The following CD302 variants were observed in gnomAD, a reference collection of about 807,000 sequenced individuals.
CD302 encodes CD302 molecule, also known as CD302 antigen.
A neutral mutation model predicts 26.5 loss-of-function variants in CD302; 23 were observed. The ratio of observed to expected loss-of-function variants is 0.87; its 90% CI spans 0.62 to 1.23. The LOEUF (loss-of-function observed/expected upper bound fraction) is 1.23, where lower values mean the gene tolerates loss of function less well. Among genes scored for constraint, CD302 ranks in the 50% most tolerant of loss-of-function variants. CD302 has a pLI of 0.00. For missense variants in CD302, 290 were observed against 275.5 expected (o/e 1.05, Z -0.37); for synonymous variants, 90 against 99.4 (o/e 0.91, Z 0.56).
At chr2:159,785,540 G>A (rs556844489) in intron 1 of CD302, among the ~76,000 whole-genome samples, 2 of 152,304 alleles carry the variant, frequency 1.3e-5, no homozygotes, top group African/African-American at 2.4e-5. Context: ...AATTGGAGAC[G>A]CCAGACAGCT....
intron 5 of CD302, 75 bp from the exon 6 acceptor site, chr2:159,772,128 C>G: frequency 6.7e-7 from 1 of 1,487,018 alleles, no homozygotes; most frequent in Non-Finnish European, 9.1e-7. Flanking sequence ...ATGAGCACAA[C>G]TGTAGTTTTG....
Position 159,797,986 on chromosome 2 carries a change from G to A in CD302, c.67+146C>T, listed in dbSNP as rs530428043. On this transcript the variant is annotated intron_variant, in intron 1 of 5. Transcript: ENST00000259053. ...TGACCCGGAGCCAGGACCCACGGGG[G>A]ACGGGCGTGCAGGGAAGGGCGGGAT... 1.9e-3 allele frequency: 1,338 copies of A among 716,828 alleles called. 5 individuals are homozygous for A. Among genetic ancestry groups the A allele is most frequent in the Non-Finnish European group, 1.8e-3 (846 of 463,246 alleles). 44.4% of individuals were successfully genotyped at this position (716,828 alleles called of 1,614,324 possible).
intron 1 of CD302, among the ~76,000 whole-genome samples, chr2:159,784,086 T>C (rs1195960747): frequency 6.6e-6 from 1 of 152,192 alleles, no homozygotes; most frequent in African/African-American, 2.4e-5. Flanking sequence ...CTCCTTCACC[T>C]CTATCTTAGT....
At chr2:159,772,147 T>G (rs1413194150) in intron 5 of CD302, 94 bp from the exon 6 acceptor site, 2 of 1,381,810 alleles carry the variant, frequency 1.4e-6, no homozygotes, top group Non-Finnish European at 2.0e-6. Context: ...TGTGTAAACA[T>G]TTCTCTGTGT....
intron 5 of CD302, among the ~76,000 whole-genome samples, chr2:159,776,701 T>G (rs950284695): frequency 3.8e-5 from 1 of 26,050 alleles, no homozygotes; most frequent in Non-Finnish European, 9.1e-5. Context: ...CATCCAATTT[T>G]TTTTTTTTTT....
chr2:159,773,040 G>A (rs1708204043), intron 5 of CD302, among the ~76,000 whole-genome samples: 1 of 151,812 alleles, frequency 6.6e-6, no homozygotes, highest in African/African-American at 2.4e-5. Context: ...ATGAAAAAAA[G>A]CCAAGAATTC....
At chr2:159,774,208 A>G (rs776350505) in intron 5 of CD302, among the ~76,000 whole-genome samples, 6 of 152,070 alleles carry the variant, frequency 3.9e-5, no homozygotes, top group Non-Finnish European at 7.4e-5. Context: ...GTTGATCTCA[A>G]CCATTCAAGT....
chr2:159,780,808 T>C, intron 3 of CD302, 74 bp downstream of exon 3: 2 of 1,359,858 alleles, frequency 1.5e-6, no homozygotes, highest in Non-Finnish European at 2.1e-6. Context: ...AACCAGAGAA[T>C]TGAAAAGCCA....
At chr2:159,784,533 T>G (rs1708614468) in intron 1 of CD302, among the ~76,000 whole-genome samples, 1 of 151,798 alleles carries the variant, frequency 6.6e-6, no homozygotes, top group Non-Finnish European at 1.5e-5. Context: ...CTTTTGTATT[T>G]TTTGTAGAGA....
chr2:159,786,832 C>A (rs1436721253), intron 1 of CD302, among the ~76,000 whole-genome samples: 1 of 151,898 alleles, frequency 6.6e-6, no homozygotes, highest in African/African-American at 2.4e-5. Context: ...TAAACATACC[C>A]ATATAATTAT....
rs1574481710 is a variant in CD302 at position 159,771,700 on chromosome 2, T to C, written c.*151A>G. Reference sequence around the variant, plus strand: ...TGTTTTTTTAATGAACCTAAAGACTTTTCACAGCAGATGAGTACATAAAAA... The same window carrying C: ...TGTTTTTTTAATGAACCTAAAGACTCTTCACAGCAGATGAGTACATAAAAA... On this transcript the variant is annotated 3_prime_UTR_variant, in exon 6 of 6. Transcript: ENST00000259053. 1 of 465,190 alleles carries C rather than the reference T, an allele frequency of 2.1e-6. No homozygotes were observed. Among genetic ancestry groups the C allele is most frequent in the African/African-American group, 1.9e-5 (1 of 52,036 alleles). 28.8% of individuals were successfully genotyped at this position (465,190 alleles called of 1,614,324 possible).
intron 1 of CD302, among the ~76,000 whole-genome samples, chr2:159,785,366 C>T (rs1477188237): frequency 6.6e-6 from 1 of 152,074 alleles, no homozygotes; most frequent in Non-Finnish European, 1.5e-5. Flanking sequence ...TTAACTCTGG[C>T]AGGAATCTAG....
Position 159,770,591 on chromosome 2 carries a change from A to C in CD302, c.*1260T>G, listed in dbSNP as rs1267830734. ...GAGGGATTACTTTTCTTTGAGCCTC[A>C]GACTTCTAGACAGTATACTTCAGTC... On this transcript the variant is annotated 3_prime_UTR_variant, in exon 6 of 6. Transcript: ENST00000259053. The C allele has an allele frequency of 1.3e-5, 2 of 152,226 alleles. No homozygotes were observed. Among genetic ancestry groups the C allele is most frequent in the Admixed American group, 1.3e-4 (2 of 15,282 alleles). The allele number at this position is 152,226 out of a possible 1,614,324, so 9.4% of individuals were successfully genotyped here.
In CD302 at chr2:159,770,285, G is replaced by C. The variant is rs894737943; in HGVS notation, c.*1566C>G. On this transcript the variant is annotated 3_prime_UTR_variant, in exon 6 of 6. Coordinates refer to ENST00000259053, the MANE Select transcript of CD302 (RefSeq NM_014880.5). Reference sequence around the variant, plus strand: ...CTATACAAAATCTCAGAAATGTAAAGCTCTTACAGAGCATGCTTGTGCTTG... The same window carrying C: ...CTATACAAAATCTCAGAAATGTAAACCTCTTACAGAGCATGCTTGTGCTTG... 6.6e-6 allele frequency: 1 copy of C among 152,150 alleles called. No individual in the cohort carries two copies. Among genetic ancestry groups the C allele is most frequent in the Non-Finnish European group, 1.5e-5 (1 of 68,020 alleles). The allele number at this position is 152,150 out of a possible 1,614,324, so 9.4% of individuals were successfully genotyped here. A position where few individuals can be genotyped will look rare whatever the true frequency, so the allele number is the denominator to read the frequency against.
chr2:159,772,121 A>C (rs1708167863), intron 5 of CD302, 68 bp from the exon 6 acceptor site: 1 of 1,517,706 alleles, frequency 6.6e-7, no homozygotes. Flanking sequence ...TATTTTGATG[A>C]GCACAACTGT....
chr2:159,790,700 G>C (rs1382915061), intron 1 of CD302, among the ~76,000 whole-genome samples: 1 of 152,044 alleles, frequency 6.6e-6, no homozygotes, highest in East Asian at 1.9e-4. Flanking sequence ...AAGTGAAATG[G>C]AACTGCATTA....
chr2:159,797,689 G>T (rs761694753), intron 1 of CD302, among the ~76,000 whole-genome samples: 6 of 152,194 alleles, frequency 3.9e-5, no homozygotes, highest in Non-Finnish European at 7.4e-5. Flanking sequence ...ACTTCCTCCG[G>T]CCCCCACCCC....
chr2:159,776,563 A>C (rs1708332407), intron 5 of CD302, among the ~76,000 whole-genome samples: 1 of 152,040 alleles, frequency 6.6e-6, no homozygotes, highest in South Asian at 2.1e-4. Flanking sequence ...CTTGTTATTT[A>C]TTGTCTTCTT....
At chr2:159,774,605 G>C (rs1398373198) in intron 5 of CD302, among the ~76,000 whole-genome samples, 2 of 152,098 alleles carry the variant, frequency 1.3e-5, no homozygotes, top group Non-Finnish European at 2.9e-5. Context: ...CTTCACCTTG[G>C]TCCTGATTTG....
Sources: allele counts gnomAD v4.1 joint callset (sites outside exome capture counted in the v4.1 genomes callset), GRCh38; gene constraint gnomAD v4.1.1; transcripts MANE v1.5; gene names NCBI Gene and HGNC (gene_info 2026-07-23, HGNC 2026-07-21).